DPT: variants seen among roughly 807,000 people sequenced by gnomAD.
The protein encoded by DPT is dermatopontin.
In DPT, 21 loss-of-function variants were observed where a neutral mutation model predicts 31.2. That is an observed-to-expected ratio of 0.67 (90% CI 0.48 to 0.97). The LOEUF (loss-of-function observed/expected upper bound fraction) is 0.97, where lower values mean the gene tolerates loss of function less well. DPT is among the 50% of genes least tolerant of loss of function. The pLI, the probability that DPT is intolerant of heterozygous loss-of-function variation, is 0.00. For synonymous variants in DPT, 91 were observed against 86.9 expected (o/e 1.05, Z -0.26); for missense variants, 262 against 258.8 (o/e 1.01, Z -0.08).
intron 1 of DPT, among the ~76,000 whole-genome samples, chr1:168,717,059 G>T (rs1259880681): frequency 6.6e-6 from 1 of 152,078 alleles, no homozygotes; most frequent in Non-Finnish European, 1.5e-5. Context: ...TAGTCCTTTG[G>T]GTATATACCC....
At chr1:168,709,933 A>G (rs1322701389) in intron 2 of DPT, among the ~76,000 whole-genome samples, 2 of 152,244 alleles carry the variant, frequency 1.3e-5, no homozygotes, top group East Asian at 3.8e-4. Context: ...ACTATAAAAC[A>G]TCATCACATC....
chr1:168,714,110 G>A (rs1042721508), intron 2 of DPT, 111 bp downstream of exon 2: 10 of 1,426,822 alleles, frequency 7.0e-6, no homozygotes, highest in Admixed American at 5.9e-5. Flanking sequence ...ATATGCCAGC[G>A]CTGCCTTCCA....
intron 2 of DPT, among the ~76,000 whole-genome samples, chr1:168,708,357 C>G (rs1220543612): frequency 1.3e-5 from 2 of 152,098 alleles, no homozygotes; most frequent in Non-Finnish European, 2.9e-5. Context: ...AGATTTTGCT[C>G]AAGTTCAGAG....
At chr1:168,704,468 A>G (rs1202523532) in intron 2 of DPT, among the ~76,000 whole-genome samples, 1 of 152,208 alleles carries the variant, frequency 6.6e-6, no homozygotes, top group Non-Finnish European at 1.5e-5. Flanking sequence ...AATGGCGTGA[A>G]CCCGGGAGGC....
At chr1:168,726,673 C>T (rs1027404170) in intron 1 of DPT, among the ~76,000 whole-genome samples, 4 of 152,192 alleles carry the variant, frequency 2.6e-5, no homozygotes, top group African/African-American at 7.2e-5. Flanking sequence ...GCACAAAAAA[C>T]GGCTGTTAGA....
intron 2 of DPT, among the ~76,000 whole-genome samples, chr1:168,708,880 A>G (rs12122804): frequency 0.14 from 22,035 of 152,186 alleles, 2,226 homozygotes; most frequent in African/African-American, 0.29. Context: ...AAAGAGGCTA[A>G]GAATTAAAGA....
At chr1:168,708,573 T>A (rs1054917715) in intron 2 of DPT, among the ~76,000 whole-genome samples, 3 of 152,254 alleles carry the variant, frequency 2.0e-5, no homozygotes, top group Non-Finnish European at 2.9e-5. Context: ...TCTTCATTTT[T>A]ATTTTTTTAT....
intron 2 of DPT, among the ~76,000 whole-genome samples, chr1:168,701,423 A>G (rs994482491): frequency 1.3e-5 from 2 of 152,238 alleles, no homozygotes; most frequent in Non-Finnish European, 2.9e-5. Flanking sequence ...TATCAATACT[A>G]TTCCTATTCT....
At chr1:168,722,661 C>T (rs930858852) in intron 1 of DPT, among the ~76,000 whole-genome samples, 7 of 152,094 alleles carry the variant, frequency 4.6e-5, no homozygotes, top group Admixed American at 1.3e-4. Context: ...AGTTAATGTA[C>T]ATATATTATC....
intron 1 of DPT, among the ~76,000 whole-genome samples, chr1:168,722,849 AACAC>A (rs10585221): frequency 0.37 from 55,829 of 149,574 alleles, 10,921 homozygotes; most frequent in African/African-American, 0.45. Context: ...CCCTCAAAGA[AACAC>A]ACACACACAC....
In DPT at chr1:168,704,131, C is replaced by A. The variant is rs144757323; in HGVS notation, c.432-3007G>T. On this transcript the variant is annotated intron_variant, in intron 2 of 3. Coordinates refer to ENST00000367817, the MANE Select transcript of DPT (RefSeq NM_001937.5). ...GACACTGGGCTTTGCGAGTGTAGGTCGGGGAAGAGTTCGGTGTGGTTGCAG... is the reference window on the plus strand; with the variant it reads ...GACACTGGGCTTTGCGAGTGTAGGTAGGGGAAGAGTTCGGTGTGGTTGCAG... Among the ~76,000 whole-genome samples, 393 of 152,152 alleles carry A rather than the reference C, an allele frequency of 2.6e-3. 5 individuals are homozygous for A. The highest frequency in any genetic ancestry group is 9.0e-3 in the African/African-American group (373 of 41,490).
chr1:168,705,064 A>G (rs1649689017), intron 2 of DPT, among the ~76,000 whole-genome samples: 1 of 152,226 alleles, frequency 6.6e-6, no homozygotes, highest in Admixed American at 6.5e-5. Flanking sequence ...ATCTAGTTAT[A>G]TACAGTGGCC....
At chr1:168,708,935 C>T (rs1234018814) in intron 2 of DPT, among the ~76,000 whole-genome samples, 1 of 152,078 alleles carries the variant, frequency 6.6e-6, no homozygotes, top group Non-Finnish European at 1.5e-5. Context: ...TAAGAATGTT[C>T]TAATCAACTG....
intron 1 of DPT, among the ~76,000 whole-genome samples, chr1:168,715,297 T>C (rs1041988928): frequency 9.2e-5 from 14 of 152,220 alleles, no homozygotes; most frequent in Non-Finnish European, 1.9e-4. Flanking sequence ...AGTATGATTT[T>C]CTCCCATTCC....
At chr1:168,722,234 G>A in intron 1 of DPT, among the ~76,000 whole-genome samples, 1 of 152,162 alleles carries the variant, frequency 6.6e-6, no homozygotes, top group South Asian at 2.1e-4. Context: ...GAGATCTAAT[G>A]CTATCTCCGT....
At chr1:168,720,585 G>A (rs1650079210) in intron 1 of DPT, among the ~76,000 whole-genome samples, 1 of 152,072 alleles carries the variant, frequency 6.6e-6, no homozygotes, top group Admixed American at 6.6e-5. Context: ...ATAATAGATG[G>A]GCTGGTTGTG....
In DPT at chr1:168,729,144, G is replaced by A; in HGVS notation, c.31C>T (p.Pro11Ser). The change falls in exon 1 of 4, where the codon CCC becomes TCC. Residue 11 changes from proline to serine, a missense_variant. Pro to Ser is a moderately conservative substitution (Grantham distance 74). Coordinates refer to ENST00000367817, the MANE Select transcript of DPT (RefSeq NM_001937.5). The stretch of plus-strand genomic sequence containing the variant: ...TGGCCCCAGGCCATGGTGACTAGGG[G>A]CAGAAGTACCCAGAGAAGACTGAGG... MDLSLLWVLL[P>S]LVTMAWGQYG... The A allele has an allele frequency of 1.2e-6, 2 of 1,614,084 alleles. No homozygotes were observed. Among genetic ancestry groups the A allele is most frequent in the Non-Finnish European group, 1.7e-6 (2 of 1,179,990 alleles).
chr1:168,712,685 T>A (rs1317080984), intron 2 of DPT, among the ~76,000 whole-genome samples: 1 of 152,156 alleles, frequency 6.6e-6, no homozygotes, highest in Non-Finnish European at 1.5e-5. Flanking sequence ...AGTTCTGGCA[T>A]CTGGATCATC....
intron 1 of DPT, among the ~76,000 whole-genome samples, chr1:168,721,643 T>G (rs969515840): frequency 5.3e-5 from 8 of 152,212 alleles, no homozygotes; most frequent in African/African-American, 1.2e-4. Context: ...CCTTCCTTTC[T>G]TGACAATTCC....
Sources: allele counts gnomAD v4.1 joint callset (sites outside exome capture counted in the v4.1 genomes callset), GRCh38; gene constraint gnomAD v4.1.1; transcripts MANE v1.5; gene names NCBI Gene and HGNC (gene_info 2026-07-23, HGNC 2026-07-21).